The following GLRA1 variants were observed in gnomAD, a reference collection of about 807,000 sequenced individuals.
The protein encoded by GLRA1 is glycine receptor alpha 1, also known as glycine receptor subunit alpha-1.
In GLRA1, 37 loss-of-function variants were observed where a neutral mutation model predicts 48.3. That is an observed-to-expected ratio of 0.77 (90% confidence interval 0.59 to 1.01). GLRA1 has a LOEUF of 1.01. Among genes scored for constraint, GLRA1 ranks in the 50% least tolerant of loss-of-function variants. The pLI, the probability that GLRA1 is intolerant of heterozygous loss-of-function variation, is 0.00. For missense variants in GLRA1, 427 were observed against 571.0 expected (o/e 0.75, Z 2.57); for synonymous variants, 196 against 210.7 (o/e 0.93, Z 0.60).
At chr5:151,910,801 C>A (rs773682573) in intron 1 of GLRA1, among the ~76,000 whole-genome samples, 6 of 152,132 alleles carry the variant, frequency 3.9e-5, no homozygotes, top group Non-Finnish European at 7.3e-5. Flanking sequence ...TTATGTGTTA[C>A]CCTCTCTTGC....
chr5:151,823,838 T>G (rs1201378038), intron 8 of GLRA1, among the ~76,000 whole-genome samples: 6 of 152,066 alleles, frequency 3.9e-5, no homozygotes, highest in Non-Finnish European at 7.4e-5. Flanking sequence ...GTTCATCTCT[T>G]TCCCAGGTCA....
chr5:151,848,967 C>T (rs1752758931), intron 7 of GLRA1: 1 of 715,516 alleles, frequency 1.4e-6, no homozygotes, highest in African/African-American at 1.8e-5. Context: ...AAAGTCCAGG[C>T]CATGTATGTC....
intron 8 of GLRA1, among the ~76,000 whole-genome samples, chr5:151,823,726 C>T (rs1763202164): frequency 6.6e-6 from 1 of 152,204 alleles, no homozygotes; most frequent in African/African-American, 2.4e-5. Flanking sequence ...TCTCCCCCAC[C>T]AGATACTTTG....
At chr5:151,924,088 G>A (rs1174626635) in intron 1 of GLRA1, among the ~76,000 whole-genome samples, 1 of 152,150 alleles carries the variant, frequency 6.6e-6, no homozygotes, top group Admixed American at 6.5e-5. Flanking sequence ...TGAGGTTTTC[G>A]GCACTGCGGT....
intron 3 of GLRA1, among the ~76,000 whole-genome samples, chr5:151,870,488 C>A (rs1367503820): frequency 6.7e-6 from 1 of 149,824 alleles, no homozygotes; most frequent in Non-Finnish European, 1.5e-5. Flanking sequence ...TGGCATCAAT[C>A]TGAATGATCT....
chr5:151,865,488 G>A (rs1753311816), intron 3 of GLRA1, among the ~76,000 whole-genome samples: 1 of 152,068 alleles, frequency 6.6e-6, no homozygotes, highest in Admixed American at 6.5e-5. Context: ...GGAGTGGGAG[G>A]ACACATGCAG....
intron 3 of GLRA1, among the ~76,000 whole-genome samples, chr5:151,865,760 T>C (rs1357887306): frequency 6.6e-6 from 1 of 152,160 alleles, no homozygotes; most frequent in Non-Finnish European, 1.5e-5. Context: ...AAATGACTAA[T>C]GAAAAGTTAG....
At chr5:151,905,734 A>C (rs1754459061) in intron 1 of GLRA1, among the ~76,000 whole-genome samples, 1 of 152,008 alleles carries the variant, frequency 6.6e-6, no homozygotes, top group Non-Finnish European at 1.5e-5. Flanking sequence ...GCTGAAGTCA[A>C]CGGTGAGTAA....
At chr5:151,881,073 C>G (rs1753748562) in intron 3 of GLRA1, among the ~76,000 whole-genome samples, 2 of 152,208 alleles carry the variant, frequency 1.3e-5, no homozygotes, top group Admixed American at 6.5e-5. Context: ...TACACATGTT[C>G]AAATTAGCAT....
rs1402459188 is a variant in GLRA1, at chr5:151,886,751, G to A, written c.222C>T (p.Asn74=). The change falls in exon 3 of 9, where the codon AAC becomes AAT. Residue 74 remains asparagine (N), a synonymous_variant. Transcript: ENST00000274576. ...TTGTCTCAGCAATGGAACCAAAGCT[G>A]TTGATGAAAATGTTGCAGCTCACGT... ...PVNVSCNIFI[N]SFGSIAETTM... The A allele has an allele frequency of 6.2e-7, 1 of 1,613,496 alleles. No individual in the cohort carries two copies. Among genetic ancestry groups the A allele is most frequent in the East Asian group, 2.2e-5 (1 of 44,886 alleles).
At chr5:151,830,310 T>C (rs926461757) in intron 7 of GLRA1, among the ~76,000 whole-genome samples, 3 of 152,208 alleles carry the variant, frequency 2.0e-5, no homozygotes, top group African/African-American at 4.8e-5. Context: ...AACAACCTTT[T>C]CTTTGAGGAC....
intron 7 of GLRA1, among the ~76,000 whole-genome samples, chr5:151,835,011 G>C (rs1281399551): frequency 1.8e-5 from 2 of 113,444 alleles, no homozygotes; most frequent in Non-Finnish European, 3.3e-5. Flanking sequence ...CTGGGCGACA[G>C]AGCGAGACAA....
At chr5:151,824,211 C>G (rs1296356513) in intron 8 of GLRA1, among the ~76,000 whole-genome samples, 2 of 151,570 alleles carry the variant, frequency 1.3e-5, no homozygotes, top group African/African-American at 2.4e-5. Flanking sequence ...GTTGCCCAGT[C>G]TGGTCTTGAA....
At chr5:151,871,583 T>C (rs189519257) in intron 3 of GLRA1, among the ~76,000 whole-genome samples, 3,802 of 147,746 alleles carry the variant, frequency 0.026, 536 homozygotes, top group African/African-American at 0.095. Context: ...TTTTTTGAGA[T>C]AGAGTCTCGC....
chr5:151,850,789 AACTAAGT>A, intron 7 of GLRA1: 2 of 883,916 alleles, frequency 2.3e-6, no homozygotes, highest in Non-Finnish European at 3.8e-6. Flanking sequence ...CCAGTACAAA[AACTAAGT>A]GGACAAGACC....
At chr5:151,850,466 G>A in intron 7 of GLRA1, 1 of 1,064,810 alleles carries the variant, frequency 9.4e-7, no homozygotes, top group Non-Finnish European at 1.5e-6. Context: ...TGTGGGAGGA[G>A]AATGGTCTGA....
At chr5:151,855,497 C>A (rs1467225621) in intron 5 of GLRA1, among the ~76,000 whole-genome samples, 18 of 152,150 alleles carry the variant, frequency 1.2e-4, no homozygotes. Flanking sequence ...CTTTTGCTCA[C>A]AGCAGATACT....
chr5:151,883,578 A>G (rs1449247482), intron 3 of GLRA1, among the ~76,000 whole-genome samples: 3 of 152,254 alleles, frequency 2.0e-5, no homozygotes, highest in East Asian at 3.8e-4. Context: ...AAGACTACAC[A>G]CGTGGTGAAG....
chr5:151,888,454 C>T (rs1753975087), intron 2 of GLRA1, among the ~76,000 whole-genome samples: 1 of 152,190 alleles, frequency 6.6e-6, no homozygotes, highest in Non-Finnish European at 1.5e-5. Flanking sequence ...AGCTCTTGAT[C>T]TAGGCGGTCA....
Sources: gnomAD v4.1 joint callset for allele counts (sites outside exome capture counted in the v4.1 genomes callset) on GRCh38, gnomAD v4.1.1 for gene constraint, MANE v1.5 for transcripts, NCBI Gene and HGNC (gene_info 2026-07-23, HGNC 2026-07-21) for gene names.